The following MTHFD2L variants were observed in gnomAD, a reference collection of about 807,000 sequenced individuals.
MTHFD2L encodes bifunctional methylenetetrahydrofolate dehydrogenase/cyclohydrolase 2, mitochondrial.
MTHFD2L carries 29 observed loss-of-function variants against 34.9 expected under a neutral mutation model. That is an observed-to-expected ratio of 0.83 (90% CI 0.62 to 1.13). MTHFD2L has a LOEUF of 1.13. Among genes scored for constraint, MTHFD2L ranks in the 50% most tolerant of loss-of-function variants. The probability of loss-of-function intolerance (pLI) is 0.00; values close to 1 mark genes in which losing one functional copy is unlikely to be tolerated. For missense variants in MTHFD2L, 481 were observed against 446.5 expected, an observed-to-expected ratio of 1.08 and a Z score of -0.70; for synonymous variants, 167 against 155.7, an observed-to-expected ratio of 1.07 and a Z score of -0.54.
chr4:74,230,618 A>G (rs1160918162), intron 6 of MTHFD2L, among the ~76,000 whole-genome samples: 1 of 151,874 alleles, frequency 6.6e-6, no homozygotes, highest in African/African-American at 2.4e-5. Flanking sequence ...AAAAAGAAAA[A>G]AAGAAATTAT....
At chr4:74,124,423 A>C (rs189637979), upstream of MTHFD2L, among the ~76,000 whole-genome samples, 1 of 151,842 alleles carries the variant, frequency 6.6e-6, no homozygotes, top group African/African-American at 2.4e-5. Context: ...AAAATCAAAT[A>C]GAAGAATGGC....
chr4:74,198,448 G>T (rs1733854122), intron 3 of MTHFD2L, among the ~76,000 whole-genome samples: 1 of 152,080 alleles, frequency 6.6e-6, no homozygotes, highest in African/African-American at 2.4e-5. Context: ...AAACTAATTT[G>T]AGTCCTAGCT....
chr4:74,241,336 A>G (rs1164672485), intron 6 of MTHFD2L, among the ~76,000 whole-genome samples: 1 of 152,186 alleles, frequency 6.6e-6, no homozygotes, highest in Non-Finnish European at 1.5e-5. Flanking sequence ...ATTTTAACTG[A>G]AGCATGTTTT....
rs151125541 is a variant in MTHFD2L, at chr4:74,159,019, A to C, written c.143+738A>C. Among the ~76,000 whole-genome samples, 10 of 152,324 alleles carry C rather than the reference A, an allele frequency of 6.6e-5. No homozygotes were observed. The East Asian group carries it at 1.7e-3, about 26-fold the overall frequency. ...GTTTTCAGACTTTCAGGGCTTCCAG[A>C]AATGCGCTTTCATTGCCATTTTACG... On this transcript the variant is annotated intron_variant, in intron 1 of 7. Coordinates refer to ENST00000325278, the MANE Select transcript of MTHFD2L (RefSeq NM_001144978.3).
At chr4:74,211,941 C>A (rs189667608) in intron 5 of MTHFD2L, among the ~76,000 whole-genome samples, 1,603 of 152,022 alleles carry the variant, frequency 0.011, 37 homozygotes, top group African/African-American at 0.037. Flanking sequence ...GGAATGTATC[C>A]ATTTCTTCTA....
At chr4:74,199,706 G>T in intron 3 of MTHFD2L, 88 bp from the exon 4 acceptor site, 1 of 1,101,094 alleles carries the variant, frequency 9.1e-7, no homozygotes. Context: ...AATTATAAGT[G>T]ATGTGGCTTT....
At chr4:74,225,490 G>A in intron 6 of MTHFD2L, 96 bp downstream of exon 6, 1 of 940,080 alleles carries the variant, frequency 1.1e-6, no homozygotes, top group Non-Finnish European at 1.7e-6. Flanking sequence ...GAGAGAGTTA[G>A]CTTTATGTAT....
chr4:74,192,488 A>G (rs569386782), intron 3 of MTHFD2L, among the ~76,000 whole-genome samples: 63 of 152,300 alleles, frequency 4.1e-4, no homozygotes, highest in African/African-American at 1.4e-3. Context: ...AAGGTTCATT[A>G]TTTATGTTAT....
intron 1 of MTHFD2L, 183 bp downstream of exon 1, chr4:74,158,464 C>T (rs1209158466): frequency 1.2e-5 from 3 of 242,804 alleles, no homozygotes; most frequent in South Asian, 3.0e-4. Context: ...GCAGTTGCCT[C>T]AGCTTGGGGA....
At chr4:74,185,047 G>A (rs1469320739) in intron 3 of MTHFD2L, among the ~76,000 whole-genome samples, 2 of 151,150 alleles carry the variant, frequency 1.3e-5, no homozygotes, top group African/African-American at 2.4e-5. Flanking sequence ...AGCTACTCGG[G>A]AGGCTGAGGC....
At chr4:74,181,881 CT>C (rs1730242214) in intron 3 of MTHFD2L, 1 of 152,016 alleles carries the variant, frequency 6.6e-6, no homozygotes, top group African/African-American at 2.4e-5. Flanking sequence ...ATCGACCTAA[CT>C]AGTAAGCATG....
chr4:74,278,171 A>G (rs562203131), intron 6 of MTHFD2L, among the ~76,000 whole-genome samples: 3 of 152,238 alleles, frequency 2.0e-5, no homozygotes, highest in East Asian at 1.9e-4. Context: ...AGAATTTGAC[A>G]TGATTTCTAG....
chr4:74,145,638 T>C (rs966437360), intron 1 of MTHFD2L, among the ~76,000 whole-genome samples: 2 of 152,214 alleles, frequency 1.3e-5, no homozygotes, highest in African/African-American at 4.8e-5. Context: ...AGTTACAAAC[T>C]GATATGGTTT....
intron 7 of MTHFD2L, among the ~76,000 whole-genome samples, chr4:74,282,982 G>C (rs921493520): frequency 6.9e-6 from 1 of 145,274 alleles, no homozygotes; most frequent in Admixed American, 6.7e-5. Context: ...AAAGAGTAAA[G>C]TGCATTTTAT....
intron 6 of MTHFD2L, among the ~76,000 whole-genome samples, chr4:74,263,157 C>T (rs1437823618): frequency 6.6e-6 from 1 of 151,706 alleles, no homozygotes; most frequent in Non-Finnish European, 1.5e-5. Context: ...TGTCTTATTT[C>T]TACGTTCTCT....
chr4:74,286,757 C>A (rs1459783760), intron 7 of MTHFD2L, among the ~76,000 whole-genome samples: 1 of 152,116 alleles, frequency 6.6e-6, no homozygotes, highest in Non-Finnish European at 1.5e-5. Context: ...ATGCTTCCTG[C>A]AGGGATTGAG....
At chr4:74,115,605 C>T (rs1037453454) in intron 2 of MTHFD2L, among the ~76,000 whole-genome samples, 1 of 152,218 alleles carries the variant, frequency 6.6e-6, no homozygotes, top group African/African-American at 2.4e-5. Flanking sequence ...AAATTAGGAG[C>T]CCACTAGCTG....
At chr4:74,192,156 T>G (rs201876458) in intron 3 of MTHFD2L, among the ~76,000 whole-genome samples, 23 of 152,010 alleles carry the variant, frequency 1.5e-4, no homozygotes, top group Non-Finnish European at 3.1e-4. Context: ...ACAAATATAT[T>G]TACTAGATGT....
chr4:74,267,604 T>G, intron 6 of MTHFD2L: 1 of 390,780 alleles, frequency 2.6e-6, no homozygotes, highest in African/African-American at 2.2e-5. Flanking sequence ...GCTTGTTTGT[T>G]TGTTGCTGTT....
Sources: gnomAD v4.1 joint callset for allele counts (sites outside exome capture counted in the v4.1 genomes callset) on GRCh38, gnomAD v4.1.1 for gene constraint, MANE v1.5 for transcripts, NCBI Gene and HGNC (gene_info 2026-07-23, HGNC 2026-07-21) for gene names.